ATXN3: variants seen among roughly 807,000 people sequenced by gnomAD.
ATXN3 encodes the protein ataxin-3.
In ATXN3, 28 loss-of-function variants were observed where a neutral mutation model predicts 58.2. That is an observed-to-expected ratio of 0.48 (90% CI 0.36 to 0.66). ATXN3 has a LOEUF of 0.66. Among genes scored for constraint, ATXN3 ranks in the 30% least tolerant of loss-of-function variants. The pLI is 0.00. For synonymous variants in ATXN3, 113 were observed against 138.5 expected (o/e 0.82, Z 1.29); for missense variants, 321 against 422.1 (o/e 0.76, Z 2.10).
chr14:92,100,287 C>A (rs866006131), intron 1 of ATXN3, among the ~76,000 whole-genome samples: 1 of 152,068 alleles, frequency 6.6e-6, no homozygotes, highest in African/African-American at 2.4e-5. Flanking sequence ...TAAACAACAG[C>A]AATGCAAACA....
chr14:92,077,997 C>T (rs1175776342), intron 9 of ATXN3, among the ~76,000 whole-genome samples: 18 of 144,232 alleles, frequency 1.2e-4, no homozygotes, highest in East Asian at 2.0e-4. Flanking sequence ...TTTTTTGAGG[C>T]GGAGTTTCAC....
chr14:92,093,273 T>G lies in ATXN3; in HGVS notation c.366A>C (p.Thr122=). 1.3e-6 allele frequency: 2 copies of G among 1,493,414 alleles called. 1 individual carries two copies. The highest frequency in any genetic ancestry group is 4.6e-5 in the East Asian group (2 of 43,748). 92.5% of individuals were successfully genotyped at this position (1,493,414 alleles called of 1,614,324 possible). A position where few individuals can be genotyped will look rare whatever the true frequency, so the allele number is the denominator to read the frequency against. Residue 122 remains threonine, a synonymous_variant, in exon 5 of 11, where the codon ACA becomes ACC. Coordinates refer to ENST00000644486, the MANE Select transcript of ATXN3 (RefSeq NM_004993.6). ...FICNYKEHWF[T]VRKLGKQWFN... Reference sequence around the variant, plus strand: ...TTACCTGTTTTCCTAATTTTCTAACTGTAAACCAGTGTTCCTTATAATTGC... The same window carrying G: ...TTACCTGTTTTCCTAATTTTCTAACGGTAAACCAGTGTTCCTTATAATTGC...
At chr14:92,089,110 A>C (rs893169321) in intron 5 of ATXN3, among the ~76,000 whole-genome samples, 1 of 149,342 alleles carries the variant, frequency 6.7e-6, no homozygotes, top group Non-Finnish European at 1.5e-5. Context: ...TCTGCCTCCC[A>C]GGTTCAAGTG....
chr14:92,058,098 T>C (rs901175940), downstream of ATXN3, among the ~76,000 whole-genome samples: 3 of 152,230 alleles, frequency 2.0e-5, no homozygotes, highest in Non-Finnish European at 4.4e-5. Context: ...CCAGTAATAA[T>C]GGACCTTTTG....
intron 10 of ATXN3, among the ~76,000 whole-genome samples, chr14:92,068,907 A>G (rs2058920351): frequency 6.6e-6 from 1 of 151,906 alleles, no homozygotes; most frequent in African/African-American, 2.4e-5. Context: ...TGTTTTATAC[A>G]AATGTTGAGG....
chr14:92,071,610 A>G, intron 9 of ATXN3: 1 of 273,488 alleles, frequency 3.7e-6, no homozygotes, highest in Non-Finnish European at 7.2e-6. Context: ...AAAACAACAA[A>G]CAAAAAACCT....
chr14:92,047,008 A>T (rs1213371303), intron 2 of ATXN3, among the ~76,000 whole-genome samples: 1 of 152,212 alleles, frequency 6.6e-6, no homozygotes, highest in African/African-American at 2.4e-5. Flanking sequence ...TAAGGTGAGA[A>T]GCGAAGGGAT....
Position 92,093,256 on chromosome 14 carries a change from T to C in ATXN3, c.383A>G (p.Lys128Arg). The C allele has an allele frequency of 6.7e-7, 1 of 1,490,870 alleles. No individual in the cohort carries two copies. The highest frequency in any genetic ancestry group is 9.3e-7 in the Non-Finnish European group (1 of 1,079,688). The allele number at this position is 1,490,870 out of a possible 1,614,324, so 92.4% of individuals were successfully genotyped here. A position where few individuals can be genotyped will look rare whatever the true frequency, so the allele number is the denominator to read the frequency against. ...EHWFTVRKLG[K>R]QWFNLNSLLT... ...AGGAAGGGTAAGAAATGTTACCTGT[T>C]TTCCTAATTTTCTAACTGTAAACCA... The change falls in exon 5 of 11, where the codon AAA becomes AGA. Residue 128 changes from lysine to arginine, a missense_variant. Physicochemically the swap from Lys to Arg is conservative, Grantham distance 26. Coordinates refer to ENST00000644486, the MANE Select transcript of ATXN3 (RefSeq NM_004993.6).
chr14:92,083,027 G>A (rs189785397), intron 7 of ATXN3, 99 bp downstream of exon 7: 33 of 1,397,096 alleles, frequency 2.4e-5, no homozygotes, highest in Admixed American at 1.5e-4. Flanking sequence ...AAATAGAGTC[G>A]CCAACAACAC....
intron 1 of ATXN3, among the ~76,000 whole-genome samples, chr14:92,105,958 G>C (rs992255034): frequency 6.6e-6 from 1 of 152,120 alleles, no homozygotes; most frequent in Non-Finnish European, 1.5e-5. Context: ...CTTCCTAAAT[G>C]TCAGGCCCTA....
chr14:92,052,244 C>T (rs1595426223), upstream of ATXN3, among the ~76,000 whole-genome samples: 1 of 151,976 alleles, frequency 6.6e-6, no homozygotes, highest in East Asian at 1.9e-4. Flanking sequence ...CCTGTAATCC[C>T]AGCACTTTGG....
Position 92,086,037 on chromosome 14 carries a change from G to A in ATXN3, c.475+2693C>T, listed in dbSNP as rs55796924. ...AATTAAAAACCCTATATTCCTAAAT[G>A]TGAATTCACAATAACTACATAACAA... On this transcript the variant is annotated intron_variant, in intron 6 of 10. Coordinates refer to ENST00000644486, the MANE Select transcript of ATXN3 (RefSeq NM_004993.6). Among the ~76,000 whole-genome samples the A allele has an allele frequency of 1.7e-4, 26 of 152,186 alleles. 1 individual carries two copies. The East Asian group carries it at 5.0e-3, about 29-fold the overall frequency.
At chr14:92,067,009 A>T (rs2058573679) in intron 10 of ATXN3, among the ~76,000 whole-genome samples, 1 of 151,922 alleles carries the variant, frequency 6.6e-6, no homozygotes, top group Non-Finnish European at 1.5e-5. Context: ...ACTTCAGGTG[A>T]TCTGCCTGCC....
chr14:92,082,653 T>A (rs560406003), intron 7 of ATXN3, among the ~76,000 whole-genome samples, 187 bp from the exon 8 acceptor site: 2 of 78,362 alleles, frequency 2.6e-5, no homozygotes, highest in African/African-American at 1.2e-4. Flanking sequence ...CCGTTTCTTT[T>A]TTTTTTTTTT....
intron 1 of ATXN3, 113 bp from the exon 2 acceptor site, chr14:92,096,951 A>C: frequency 1.1e-6 from 1 of 914,528 alleles, no homozygotes; most frequent in Non-Finnish European, 1.7e-6. Flanking sequence ...TCTTTCACCC[A>C]GGCCGGAGTG....
At position 92,062,413 on chromosome 14, in the gene ATXN3, A is replaced by T; in HGVS notation, c.*1907T>A. Reference sequence around the variant, plus strand: ...TGGTTTTCTCATTTTTATATTAGGTAGCTCATCAATTCAAGTGTATGAAAA... The same window carrying T: ...TGGTTTTCTCATTTTTATATTAGGTTGCTCATCAATTCAAGTGTATGAAAA... On this transcript the variant is annotated 3_prime_UTR_variant, in exon 11 of 11. Coordinates refer to ENST00000644486, the MANE Select transcript of ATXN3 (RefSeq NM_004993.6). The T allele has an allele frequency of 6.6e-6, 1 of 152,224 alleles. No homozygotes were observed. Among genetic ancestry groups the T allele is most frequent in the Middle Eastern group, 3.2e-3 (1 of 316 alleles). 9.4% of individuals were successfully genotyped at this position (152,224 alleles called of 1,614,324 possible).
intron 5 of ATXN3, among the ~76,000 whole-genome samples, chr14:92,092,935 T>G (rs1595893073): frequency 6.6e-6 from 1 of 151,374 alleles, no homozygotes; most frequent in Admixed American, 6.6e-5. Flanking sequence ...AAATCATAGT[T>G]CACTGCAGCC....
In ATXN3 at chr14:92,063,400, A is replaced by G. The variant is rs1394218368; in HGVS notation, c.*920T>C. The G allele has an allele frequency of 6.6e-6, 1 of 152,188 alleles. No individual in the cohort carries two copies. Among genetic ancestry groups the G allele is most frequent in the Non-Finnish European group, 1.5e-5 (1 of 68,030 alleles). The allele number at this position is 152,188 out of a possible 1,614,324, so 9.4% of individuals were successfully genotyped here. On this transcript the variant is annotated 3_prime_UTR_variant, in exon 11 of 11. Transcript: ENST00000644486. ...CATGTATCATACATTCATGGTGGGT[A>G]CGTATGTTTAGTCTTCTAACAGAAG...
At chr14:92,051,626 C>T (rs67512775), upstream of ATXN3, among the ~76,000 whole-genome samples, 37,306 of 143,794 alleles carry the variant, frequency 0.26, 4,837 homozygotes, top group East Asian at 0.34. Context: ...TTTACTTCTG[C>T]GATTTATTTT....
Sources: gnomAD v4.1 joint callset for allele counts (sites outside exome capture counted in the v4.1 genomes callset) on GRCh38, gnomAD v4.1.1 for gene constraint, MANE v1.5 for transcripts, NCBI Gene and HGNC (gene_info 2026-07-23, HGNC 2026-07-21) for gene names.